RAB12: variants seen among roughly 807,000 people sequenced by gnomAD.
The protein encoded by RAB12 is RAB12, member RAS oncogene family.
In RAB12, 11 loss-of-function variants were observed where a neutral mutation model predicts 28.4. The ratio of observed to expected loss-of-function variants is 0.39; its 90% CI spans 0.24 to 0.64. The LOEUF is 0.64. Ranked by LOEUF, RAB12 falls within the 30% of genes least tolerant of loss-of-function variation. The pLI is 0.50. For synonymous variants in RAB12, 138 were observed against 145.3 expected (o/e 0.95, Z 0.36); for missense variants, 276 against 351.1 (o/e 0.79, Z 1.71).
At chr18:8,619,883 G>T (rs1285307864) in intron 1 of RAB12, among the ~76,000 whole-genome samples, 1 of 152,182 alleles carries the variant, frequency 6.6e-6, no homozygotes, top group African/African-American at 2.4e-5. Context: ...AGTTGCTCAT[G>T]CCTATAAACC....
chr18:8,625,069 T>C (rs2096011926), intron 2 of RAB12, 71 bp downstream of exon 2: 1 of 995,214 alleles, frequency 1.0e-6, no homozygotes, highest in African/African-American at 1.6e-5. Flanking sequence ...TCTAATAAAA[T>C]GAACTGTTTG....
rs1468336104 is a variant in RAB12, at chr18:8,624,830, G to A, written c.515-108G>A. 4 of 760,562 alleles carry A rather than the reference G, an allele frequency of 5.3e-6. No homozygotes were observed. The African/African-American group carries it at 7.0e-5, about 13-fold the overall frequency. The allele number at this position is 760,562 out of a possible 1,614,324, so 47.1% of individuals were successfully genotyped here. ...ATTAAGTGATGTCAGGTTTCGTGGG[G>A]TTTTCTTTTTTTCTGATAATGATAA... On this transcript the variant is annotated intron_variant, in intron 1 of 5. Transcript: ENST00000649141.
Position 8,609,880 on chromosome 18 carries a change from C to T in RAB12, c.441C>T (p.Arg147=), listed in dbSNP as rs757847504. The change falls in exon 1 of 6, where the codon CGC becomes CGT. Residue 147 remains arginine (R), a synonymous_variant. Transcript: ENST00000649141. ...TGCAGGTCATCATTATCGGCTCCCG[C>T]GGCGTGGGCAAGACCAGCCTGATGG... ...FKLQVIIIGS[R]GVGKTSLMER... is the part of the protein sequence containing the mutation. 2.5e-6 allele frequency: 4 copies of T among 1,601,764 alleles called. No homozygotes were observed. The South Asian group carries it at 4.5e-5, about 18-fold the overall frequency.
At chr18:8,614,845 A>G (rs2096005882) in intron 1 of RAB12, among the ~76,000 whole-genome samples, 3 of 152,138 alleles carry the variant, frequency 2.0e-5, no homozygotes, top group South Asian at 4.1e-4. Context: ...CAGCCTCCCA[A>G]AGAGCTAGGA....
intron 1 of RAB12, among the ~76,000 whole-genome samples, chr18:8,613,095 C>G (rs2096004752): frequency 6.6e-6 from 1 of 152,076 alleles, no homozygotes. Context: ...TATTGTTAAT[C>G]AAATCAGAAA....
At position 8,639,144 on chromosome 18, in the gene RAB12, G is replaced by GTTTTTTTTTTTTTTTT. The variant is rs1598315808; in HGVS notation, c.*884_*885insTTTTTTTTTTTTTTTT. 16 of 16,580 alleles carry GTTTTTTTTTTTTTTTT rather than the reference G, an allele frequency of 9.7e-4. 1 individual carries two copies. The highest frequency in any genetic ancestry group is 2.3e-3 in the East Asian group (1 of 426). The allele number at this position is 16,580 out of a possible 1,614,324, so 1.0% of individuals were successfully genotyped here. ...CTTATTCTGATTAAGCCTAGACTGT[G>GTTTTTTTTTTTTTTTT]TTCTTTTTTTTTTTTTTTTTTTTTT... On this transcript the variant is annotated 3_prime_UTR_variant, in exon 6 of 6. Transcript: ENST00000649141.
chr18:8,613,654 T>C (rs1353489082), intron 1 of RAB12, among the ~76,000 whole-genome samples: 47 of 152,210 alleles, frequency 3.1e-4, no homozygotes, highest in Admixed American at 3.0e-3. Flanking sequence ...TAATTTTGTT[T>C]AGGTTGAAAT....
At chr18:8,616,729 T>C (rs560845753) in intron 1 of RAB12, among the ~76,000 whole-genome samples, 1 of 148,556 alleles carries the variant, frequency 6.7e-6, no homozygotes, top group South Asian at 2.1e-4. Flanking sequence ...AAGAGCAGCC[T>C]GGGCTACATG....
chr18:8,617,569 C>T (rs1317003483), intron 1 of RAB12, among the ~76,000 whole-genome samples: 1 of 152,062 alleles, frequency 6.6e-6, no homozygotes, highest in Non-Finnish European at 1.5e-5. Flanking sequence ...GTAGAGAAGG[C>T]CTCCTGGTGC....
chr18:8,613,267 C>A (rs541579190), intron 1 of RAB12, among the ~76,000 whole-genome samples: 1 of 152,282 alleles, frequency 6.6e-6, no homozygotes, highest in South Asian at 2.1e-4. Context: ...TTTACAAGTT[C>A]TTTTAAAAAG....
intron 1 of RAB12, among the ~76,000 whole-genome samples, chr18:8,614,589 T>C: frequency 6.6e-6 from 1 of 152,080 alleles, no homozygotes; most frequent in African/African-American, 2.4e-5. Flanking sequence ...ATTTTATTTT[T>C]TATTTTTATT....
chr18:8,635,228 A>G (rs556145528), intron 3 of RAB12: 40 of 188,478 alleles, frequency 2.1e-4, no homozygotes, highest in Non-Finnish European at 3.6e-4. Flanking sequence ...GTTGATAACC[A>G]TTTTGAGTGT....
At chr18:8,634,489 A>T (rs1287143319) in intron 3 of RAB12, among the ~76,000 whole-genome samples, 3 of 152,054 alleles carry the variant, frequency 2.0e-5, no homozygotes, top group Non-Finnish European at 4.4e-5. Flanking sequence ...TTAGAAGTGG[A>T]CAGTCCTCAT....
intron 2 of RAB12, among the ~76,000 whole-genome samples, chr18:8,627,278 G>A (rs1311174399): frequency 6.6e-6 from 1 of 152,198 alleles, no homozygotes; most frequent in African/African-American, 2.4e-5. Flanking sequence ...GGTCCCTCAA[G>A]GAGGCGCAGT....
chr18:8,611,940 A>G (rs973695249), intron 1 of RAB12, among the ~76,000 whole-genome samples: 1 of 152,226 alleles, frequency 6.6e-6, no homozygotes, highest in Admixed American at 6.5e-5. Context: ...TGGGATGTTC[A>G]GAGAATGATC....
intron 3 of RAB12, among the ~76,000 whole-genome samples, chr18:8,633,618 T>C (rs1030286900): frequency 2.6e-5 from 4 of 152,174 alleles, no homozygotes; most frequent in African/African-American, 4.8e-5. Context: ...GGAATAGATA[T>C]AAGACATTTC....
chr18:8,633,530 A>T (rs2096017137), intron 3 of RAB12, among the ~76,000 whole-genome samples: 1 of 152,092 alleles, frequency 6.6e-6, no homozygotes, highest in African/African-American at 2.4e-5. Flanking sequence ...CAGAATCAGG[A>T]TTTTTCGTCT....
chr18:8,637,975 G>C (rs2096019873), intron 5 of RAB12, among the ~76,000 whole-genome samples, 174 bp from the exon 6 acceptor site: 1 of 152,148 alleles, frequency 6.6e-6, no homozygotes, highest in South Asian at 2.1e-4. Flanking sequence ...TCTCTTCCGG[G>C]TGGCAGAGGC....
At chr18:8,627,914 T>G (rs148733384) in intron 2 of RAB12, among the ~76,000 whole-genome samples, 220 of 152,318 alleles carry the variant, frequency 1.4e-3, no homozygotes, top group African/African-American at 5.2e-3. Context: ...ATAATTTAAG[T>G]GGCTATATTA....
Sources: gnomAD v4.1 joint callset for allele counts (sites outside exome capture counted in the v4.1 genomes callset) on GRCh38, gnomAD v4.1.1 for gene constraint, MANE v1.5 for transcripts, NCBI Gene and HGNC (gene_info 2026-07-23, HGNC 2026-07-21) for gene names.